FBXO25: variants seen among roughly 807,000 people sequenced by gnomAD.
FBXO25 encodes the protein F-box protein 25.
Under a neutral mutation model 51.9 loss-of-function variants are expected in FBXO25, and 45 were observed. The observed-to-expected ratio is 0.87, with a 90% CI of 0.68 to 1.11. FBXO25 has a LOEUF of 1.11. Among genes scored for constraint, FBXO25 ranks in the 50% most tolerant of loss-of-function variants. The probability of loss-of-function intolerance (pLI) is 0.00; values close to 1 mark genes in which losing one functional copy is unlikely to be tolerated. For missense variants in FBXO25, 507 were observed against 428.5 expected, an observed-to-expected ratio of 1.18 and a Z score of -1.62; for synonymous variants, 199 against 151.0, an observed-to-expected ratio of 1.32 and a Z score of -2.33.
intron 5 of FBXO25, 96 bp from the exon 6 acceptor site, chr8:449,894 G>T: frequency 1.2e-6 from 1 of 828,042 alleles, no homozygotes; most frequent in Non-Finnish European, 2.0e-6. Context: ...AGGATGGCAT[G>T]TTAGAAATCT....
At chr8:420,626 G>T (rs4997280) in intron 2 of FBXO25, among the ~76,000 whole-genome samples, 44 of 152,320 alleles carry the variant, frequency 2.9e-4, no homozygotes, top group Admixed American at 2.3e-3. Flanking sequence ...CTATTAATTC[G>T]CACAACATGG....
chr8:445,196 T>C (rs751598487), intron 5 of FBXO25, among the ~76,000 whole-genome samples: 7 of 152,340 alleles, frequency 4.6e-5, no homozygotes, highest in South Asian at 4.1e-4. Context: ...TCTGTAGTCC[T>C]CTGTGGGTAA....
chr8:445,359 G>A (rs939419777), intron 5 of FBXO25, among the ~76,000 whole-genome samples: 1 of 152,176 alleles, frequency 6.6e-6, no homozygotes, highest in African/African-American at 2.4e-5. Flanking sequence ...TTATCTCCCA[G>A]GGAACACATA....
rs78828706 is a variant in FBXO25, at chr8:461,246, G to A, written c.844-1761G>A. Among the ~76,000 whole-genome samples the A allele has an allele frequency of 5.3e-5, 8 of 152,260 alleles. 1 individual carries two copies. The East Asian group carries it at 5.8e-4, about 11-fold the overall frequency. On this transcript the variant is annotated intron_variant, in intron 8 of 9. Transcript: ENST00000350302. ...ACTTTATGCAGCCATCACTACAGTC[G>A]ATGTTAGGATATTGGCATCTGTATT...
chr8:423,425 T>G (rs1797277394), intron 2 of FBXO25, among the ~76,000 whole-genome samples: 1 of 151,962 alleles, frequency 6.6e-6, no homozygotes, highest in African/African-American at 2.4e-5. Context: ...CAATAGGTAG[T>G]TTTTTTTAAC....
chr8:428,675 G>T (rs750322388), intron 2 of FBXO25, among the ~76,000 whole-genome samples: 3 of 152,086 alleles, frequency 2.0e-5, no homozygotes, highest in Non-Finnish European at 4.4e-5. Flanking sequence ...CTGAAACTCT[G>T]TCCCCATTAA....
chr8:455,972 C>T (rs149314168), intron 7 of FBXO25, among the ~76,000 whole-genome samples: 1 of 152,240 alleles, frequency 6.6e-6, no homozygotes, highest in Non-Finnish European at 1.5e-5. Flanking sequence ...TGAGTTGTCA[C>T]ACCAGACTCT....
chr8:427,070 C>T (rs1585028185), intron 2 of FBXO25, among the ~76,000 whole-genome samples: 1 of 137,524 alleles, frequency 7.3e-6, no homozygotes, highest in South Asian at 2.2e-4. Context: ...AAACATTTGC[C>T]TACCAGGAGA....
intron 4 of FBXO25, among the ~76,000 whole-genome samples, chr8:434,863 A>G (rs1195185856): frequency 6.6e-6 from 1 of 152,230 alleles, no homozygotes; most frequent in East Asian, 1.9e-4. Flanking sequence ...TGTTTACAGT[A>G]CTGAAAATAA....
Position 422,964 on chromosome 8 carries a change from GAGAGA to G in FBXO25, c.135-8370_135-8366del, listed in dbSNP as rs202050376. Among the ~76,000 whole-genome samples the G allele has an allele frequency of 3.7e-3, 562 of 151,624 alleles. 18 individuals are homozygous for G. Among genetic ancestry groups the G allele is most frequent in the Admixed American group, 0.029 (434 of 15,228 alleles). On this transcript the variant is annotated intron_variant, in intron 2 of 9. Transcript: ENST00000350302. ...GCTGTATATGAATTATGCCTCAGGA[GAGAGA>G]AGAGAACTTATGCTCCATTTGGAAT...
chr8:461,950 G>C (rs988123175), intron 8 of FBXO25, among the ~76,000 whole-genome samples: 1 of 152,214 alleles, frequency 6.6e-6, no homozygotes, highest in Non-Finnish European at 1.5e-5. Context: ...TACAAATAAT[G>C]CTGCCATGAA....
intron 5 of FBXO25, among the ~76,000 whole-genome samples, chr8:443,199 C>T (rs1651389486): frequency 6.6e-6 from 1 of 151,202 alleles, no homozygotes; most frequent in African/African-American, 2.4e-5. Context: ...AGTTTGAGCA[C>T]ACTGGGAATA....
intron 5 of FBXO25, among the ~76,000 whole-genome samples, chr8:442,508 C>T (rs949164417): frequency 2.0e-5 from 3 of 151,706 alleles, no homozygotes; most frequent in South Asian, 2.1e-4. Flanking sequence ...GTCGCTTTGT[C>T]GCCCAGGCTG....
At chr8:449,455 A>G (rs1798941715) in intron 5 of FBXO25, among the ~76,000 whole-genome samples, 2 of 152,164 alleles carry the variant, frequency 1.3e-5, no homozygotes, top group Admixed American at 1.3e-4. Context: ...AGTGCAATTT[A>G]TTTGCTATTT....
intron 8 of FBXO25, among the ~76,000 whole-genome samples, chr8:459,650 TG>T (rs942179231): frequency 6.6e-6 from 1 of 152,112 alleles, no homozygotes; most frequent in Non-Finnish European, 1.5e-5. Context: ...CCCGATGGGA[TG>T]GGGGCTGCCA....
At chr8:413,519 G>A (rs1467267314) in intron 2 of FBXO25, among the ~76,000 whole-genome samples, 2 of 152,006 alleles carry the variant, frequency 1.3e-5, no homozygotes, top group Non-Finnish European at 2.9e-5. Context: ...CACAGTTTTG[G>A]TGGCATATAT....
chr8:430,859 A>T (rs973586289), intron 2 of FBXO25, among the ~76,000 whole-genome samples: 1 of 152,312 alleles, frequency 6.6e-6, no homozygotes, highest in East Asian at 1.9e-4. Flanking sequence ...TTAACAGTGT[A>T]TTTGGTTGGT....
intron 5 of FBXO25, among the ~76,000 whole-genome samples, chr8:437,836 TACTA>T (rs1798193631): frequency 6.6e-6 from 1 of 152,112 alleles, no homozygotes; most frequent in Non-Finnish European, 1.5e-5. Flanking sequence ...TGGCAACACT[TACTA>T]CAACAACTGA....
Position 458,387 on chromosome 8 carries a change from A to T in FBXO25, c.679A>T (p.Thr227Ser). The T allele has an allele frequency of 6.2e-7, 1 of 1,613,620 alleles. No homozygotes were observed. The highest frequency in any genetic ancestry group is 8.5e-7 in the Non-Finnish European group (1 of 1,179,848). ...QMTKQVNNGLTLSDLPLHMLN... is the reference protein window; with the variant it reads ...QMTKQVNNGLSLSDLPLHMLN... The stretch of plus-strand genomic sequence containing the variant: ...CTTTCAGCAAGTGAACAATGGCCTC[A>T]CCCTCAGTGACCTTCCTCTGCACAT... The change falls in exon 8 of 10, where the codon ACC (threonine) becomes TCC (serine). Residue 227 changes from threonine to serine, a missense_variant. By Grantham distance (58) the Thr-to-Ser change is moderately conservative (BLOSUM62 1). Transcript: ENST00000350302.
Sources: gnomAD v4.1 joint callset for allele counts (sites outside exome capture counted in the v4.1 genomes callset) on GRCh38, gnomAD v4.1.1 for gene constraint, MANE v1.5 for transcripts, NCBI Gene and HGNC (gene_info 2026-07-23, HGNC 2026-07-21) for gene names.